Variants in DPYD observed in about 807,000 individuals in gnomAD.
DPYD encodes dihydropyrimidine dehydrogenase [NADP(+)].
DPYD carries 109 observed loss-of-function variants against 116.2 expected under a neutral mutation model. The observed-to-expected ratio is 0.94, with a 90% CI of 0.80 to 1.10. DPYD has a LOEUF of 1.10. DPYD is among the 50% of genes least tolerant of loss of function. The probability of loss-of-function intolerance (pLI) is 0.00; values close to 1 mark genes in which losing one functional copy is unlikely to be tolerated. For synonymous variants in DPYD, 440 were observed against 432.0 expected (o/e 1.02, Z -0.23); for missense variants, 1,302 against 1,254.5 (o/e 1.04, Z -0.57).
At chr1:97,858,616 A>C (rs1460230798) in intron 2 of DPYD, among the ~76,000 whole-genome samples, 1 of 152,170 alleles carries the variant, frequency 6.6e-6, no homozygotes, top group African/African-American at 2.4e-5. Flanking sequence ...CTTGAAACTC[A>C]AACTTTATTT....
rs781552325 is a variant in DPYD at position 97,549,756 on chromosome 1, A to G, written c.1340-12T>C. 6.2e-7 allele frequency: 1 copy of G among 1,611,472 alleles called. No individual in the cohort carries two copies. The highest frequency in any genetic ancestry group is 1.3e-5 in the African/African-American group (1 of 74,882). On this transcript the variant is annotated splice_polypyrimidine_tract_variant and intron_variant, in intron 11 of 22. Transcript: ENST00000370192. ...CAAGGCTTCTTTTACTGAAAAAACA[A>G]GTGAAAAACAATAGACAATCACTAG...
intron 4 of DPYD, among the ~76,000 whole-genome samples, chr1:97,737,510 G>A (rs918094930): frequency 6.6e-6 from 1 of 152,060 alleles, no homozygotes; most frequent in Non-Finnish European, 1.5e-5. Context: ...AGGCACTGGG[G>A]AGTAACTACA....
intron 2 of DPYD, among the ~76,000 whole-genome samples, chr1:97,862,828 A>G (rs911369716): frequency 6.6e-6 from 1 of 151,964 alleles, no homozygotes; most frequent in African/African-American, 2.4e-5. Context: ...AAAAAAGGCA[A>G]TTATTCTATA....
chr1:97,359,528 T>A (rs536306324), intron 16 of DPYD, among the ~76,000 whole-genome samples: 6 of 152,052 alleles, frequency 3.9e-5, no homozygotes, highest in African/African-American at 1.2e-4. Flanking sequence ...AAGGTTGAAG[T>A]GAAGGAAAAA....
At chr1:97,463,924 A>C (rs1677160344) in intron 13 of DPYD, among the ~76,000 whole-genome samples, 1 of 152,080 alleles carries the variant, frequency 6.6e-6, no homozygotes, top group Non-Finnish European at 1.5e-5. Context: ...TAAAAGAAAA[A>C]CAGAGCATAA....
At chr1:97,232,138 G>A (rs1025470244) in intron 19 of DPYD, among the ~76,000 whole-genome samples, 2 of 152,022 alleles carry the variant, frequency 1.3e-5, no homozygotes, top group South Asian at 2.1e-4. Flanking sequence ...TTCTTCAGCC[G>A]AGAATGTCTT....
chr1:97,301,951 A>T (rs1248351732), intron 18 of DPYD, among the ~76,000 whole-genome samples: 1 of 152,018 alleles, frequency 6.6e-6, no homozygotes, highest in Non-Finnish European at 1.5e-5. Flanking sequence ...AGAAAAAAAG[A>T]AATTAAACTG....
intron 19 of DPYD, among the ~76,000 whole-genome samples, chr1:97,228,191 G>C (rs779970559): frequency 1.1e-4 from 17 of 150,590 alleles, no homozygotes; most frequent in Non-Finnish European, 2.4e-4. Context: ...CTACAACAAT[G>C]CTAAGAATAT....
intron 12 of DPYD, among the ~76,000 whole-genome samples, chr1:97,521,822 T>G (rs528352042): frequency 6.9e-4 from 105 of 152,266 alleles, no homozygotes; most frequent in African/African-American, 2.4e-3. Context: ...GATTCCCTAT[T>G]TAATAAATGG....
intron 13 of DPYD, among the ~76,000 whole-genome samples, chr1:97,504,213 G>T (rs1679755895): frequency 6.6e-6 from 1 of 151,926 alleles, no homozygotes; most frequent in African/African-American, 2.4e-5. Context: ...GTTCCCCGCA[G>T]TTTTATTTTC....
chr1:97,230,519 A>G (rs1661516229), intron 19 of DPYD, among the ~76,000 whole-genome samples: 1 of 152,210 alleles, frequency 6.6e-6, no homozygotes, highest in African/African-American at 2.4e-5. Context: ...GGATCAAGAA[A>G]AATAATGAGT....
At chr1:97,327,583 A>G (rs895681007) in intron 16 of DPYD, among the ~76,000 whole-genome samples, 1 of 152,036 alleles carries the variant, frequency 6.6e-6, no homozygotes, top group Non-Finnish European at 1.5e-5. Context: ...TTACTCCTTT[A>G]TTGAGTAAAT....
intron 20 of DPYD, among the ~76,000 whole-genome samples, chr1:97,157,315 C>T (rs1399947787): frequency 1.3e-5 from 2 of 152,096 alleles, no homozygotes; most frequent in African/African-American, 4.8e-5. Context: ...TAAGTTATAT[C>T]ACCTAGTGTT....
Position 97,341,497 on chromosome 1 carries a change from ATCTC to A in DPYD, c.2058+32060_2058+32063del, listed in dbSNP as rs991993469. Among the ~76,000 whole-genome samples the A allele has an allele frequency of 5.3e-5, 8 of 152,164 alleles. No homozygotes were observed. The East Asian group carries it at 1.5e-3, about 29-fold the overall frequency. ...ATACATAGGAACCCATGGAATTTTC[ATCTC>A]TCTAAGTTCTTTTACTGAACAGAGA... On this transcript the variant is annotated intron_variant, in intron 16 of 22. Transcript: ENST00000370192.
chr1:97,322,096 AG>A (rs1210243188), intron 16 of DPYD, among the ~76,000 whole-genome samples: 1 of 75,180 alleles, frequency 1.3e-5, no homozygotes, highest in Non-Finnish European at 2.5e-5. Flanking sequence ...GGGTGGGGGG[AG>A]GGGGGAGGGA....
At chr1:97,626,032 C>T (rs1405678035) in intron 8 of DPYD, among the ~76,000 whole-genome samples, 1 of 152,014 alleles carries the variant, frequency 6.6e-6, no homozygotes, top group African/African-American at 2.4e-5. Flanking sequence ...GGTAGGAAAG[C>T]TTGTCCTCTT....
Position 97,456,685 on chromosome 1 carries a change from T to G in DPYD, c.1741-6462A>C, listed in dbSNP as rs527429086. ...GCTCAGGTAAACAATGATGGCGTAA[T>G]TGAGAGCTGGGCAACTAGTATTATA... On this transcript the variant is annotated intron_variant, in intron 13 of 22. Coordinates refer to ENST00000370192, the MANE Select transcript of DPYD (RefSeq NM_000110.4). 5.9e-5 allele frequency among the ~76,000 whole-genome samples: 9 copies of G among 152,230 alleles called. No homozygotes were observed. The South Asian group carries it at 1.0e-3, about 18-fold the overall frequency.
At chr1:97,213,897 C>T (rs1660203351) in intron 19 of DPYD, among the ~76,000 whole-genome samples, 2 of 152,154 alleles carry the variant, frequency 1.3e-5, no homozygotes, top group Non-Finnish European at 2.9e-5. Context: ...TATTCCCCCT[C>T]TCGAGTTACT....
At chr1:97,735,353 GA>G (rs1663865651) in intron 4 of DPYD, among the ~76,000 whole-genome samples, 1 of 151,984 alleles carries the variant, frequency 6.6e-6, no homozygotes, top group Admixed American at 6.6e-5. Flanking sequence ...AAAATTGACA[GA>G]ATATGAAAAC....
Sources: allele counts gnomAD v4.1 joint callset (sites outside exome capture counted in the v4.1 genomes callset), GRCh38; gene constraint gnomAD v4.1.1; transcripts MANE v1.5; gene names NCBI Gene and HGNC (gene_info 2026-07-23, HGNC 2026-07-21).